PGBD5: variants seen among roughly 807,000 people sequenced by gnomAD.
The protein encoded by PGBD5 is piggyBac transposable element-derived protein 5.
A neutral mutation model predicts 47.9 loss-of-function variants in PGBD5; 14 were observed. The ratio of observed to expected loss-of-function variants is 0.29; its 90% CI spans 0.19 to 0.46. The LOEUF (loss-of-function observed/expected upper bound fraction) is 0.46, where lower values mean the gene tolerates loss of function less well. Among genes scored for constraint, PGBD5 ranks in the 20% least tolerant of loss-of-function variants. The pLI is 1.00. For synonymous variants in PGBD5, 316 were observed against 306.3 expected (o/e 1.03, Z -0.33); for missense variants, 635 against 716.0 (o/e 0.89, Z 1.29).
At chr1:230,367,096 A>G (rs989881461) in intron 1 of PGBD5, among the ~76,000 whole-genome samples, 5 of 151,612 alleles carry the variant, frequency 3.3e-5, no homozygotes, top group Admixed American at 6.6e-5. Flanking sequence ...AATTTCTTCC[A>G]CGACTTCTCA....
Position 230,322,946 on chromosome 1 carries a change from C to A in PGBD5, c.*479G>T, listed in dbSNP as rs16851510. 4,462 of 160,126 alleles carry A rather than the reference C, an allele frequency of 0.028. 235 individuals are homozygous for A. Among genetic ancestry groups the A allele is most frequent in the African/African-American group, 0.1 (4,211 of 41,638 alleles). 9.9% of individuals were successfully genotyped at this position (160,126 alleles called of 1,614,324 possible). ...CTGGCATGAGGCAAATGCTGGAAAA[C>A]CCTCCGGCCTCCCCTGACACCTGAG... On this transcript the variant is annotated 3_prime_UTR_variant, in exon 7 of 7. Coordinates refer to ENST00000391860, the MANE Select transcript of PGBD5 (RefSeq NM_001258311.2). This position sits in a 1 kb window ranked among gnomAD's most constrained non-coding sequence, Gnocchi z 5.9.
chr1:230,353,438 C>A (rs1427036516), intron 2 of PGBD5, among the ~76,000 whole-genome samples: 1 of 152,216 alleles, frequency 6.6e-6, no homozygotes, highest in Admixed American at 6.5e-5. Flanking sequence ...CACACACACA[C>A]ACCCCAGCTG....
At chr1:230,410,506 A>G (rs1657388160) in intron 1 of PGBD5, among the ~76,000 whole-genome samples, 2 of 152,204 alleles carry the variant, frequency 1.3e-5, no homozygotes, top group Non-Finnish European at 2.9e-5. Context: ...TCACAATCCA[A>G]TAAAATGAGG....
In PGBD5 at chr1:230,357,428, C is replaced by G. The variant is rs77462072; in HGVS notation, c.332-107G>C. 6.4e-6 allele frequency: 8 copies of G among 1,247,842 alleles called. No homozygotes were observed. Among genetic ancestry groups the G allele is most frequent in the African/African-American group, 3.0e-5 (2 of 66,610 alleles). The allele number at this position is 1,247,842 out of a possible 1,614,324, so 77.3% of individuals were successfully genotyped here. ...CCCTGGGTCCCTGGCCGAGTGCCCC[C>G]GCTGCCTCCAGTGCTACCGCCTTCC... On this transcript the variant is annotated intron_variant, in intron 1 of 6. Transcript: ENST00000391860. The surrounding 1 kb of genome is among the most constrained non-coding windows in gnomAD (Gnocchi z 5.7).
At chr1:230,361,355 G>T (rs80272310) in intron 1 of PGBD5, among the ~76,000 whole-genome samples, 1 of 152,198 alleles carries the variant, frequency 6.6e-6, no homozygotes, top group African/African-American at 2.4e-5. Flanking sequence ...GGAAGAGGAG[G>T]TGCTGCTTGG....
At chr1:230,381,397 C>T (rs980646802) in intron 1 of PGBD5, among the ~76,000 whole-genome samples, 6 of 152,238 alleles carry the variant, frequency 3.9e-5, no homozygotes, top group Admixed American at 2.0e-4. Context: ...AGCCTCCTTC[C>T]CAGATGGCCT....
chr1:230,377,600 C>T, intron 1 of PGBD5: 1 of 1,569,980 alleles, frequency 6.4e-7, no homozygotes, highest in Non-Finnish European at 8.6e-7. Flanking sequence ...ACGAAGAGAG[C>T]TCGAGTTCTG....
At chr1:230,367,282 C>A (rs958347467) in intron 1 of PGBD5, among the ~76,000 whole-genome samples, 1 of 152,162 alleles carries the variant, frequency 6.6e-6, no homozygotes, top group South Asian at 2.1e-4. Flanking sequence ...ATGCCCCCAA[C>A]GTGCCAAACC....
At chr1:230,350,925 A>C (rs1667550657) in intron 3 of PGBD5, 33 bp downstream of exon 3, 2 of 1,607,966 alleles carry the variant, frequency 1.2e-6, no homozygotes, top group Non-Finnish European at 1.7e-6. Flanking sequence ...GACCCTCTTC[A>C]CCGACCCTCC....
intron 1 of PGBD5, among the ~76,000 whole-genome samples, chr1:230,401,962 C>A (rs932418182): frequency 3.3e-5 from 5 of 152,132 alleles, no homozygotes; most frequent in Non-Finnish European, 5.9e-5. Flanking sequence ...GGAGGGAGGG[C>A]AAGGGCTCCT....
chr1:230,418,046 G>A (rs1654042137), intron 1 of PGBD5, among the ~76,000 whole-genome samples: 1 of 152,200 alleles, frequency 6.6e-6, no homozygotes. Flanking sequence ...CATTCAGTGG[G>A]TAGAGGCCTG....
Position 230,323,442 on chromosome 1 carries a change from C to A in PGBD5, c.1558G>T (p.Ala520Ser). 6.2e-7 allele frequency: 1 copy of A among 1,613,746 alleles called. No homozygotes were observed. Among genetic ancestry groups the A allele is most frequent in the Non-Finnish European group, 8.5e-7 (1 of 1,179,790 alleles). ...CCCCAGCATCAGTGGGTCGGAGAGGCATCCTCCAAGCCCAGCAGCTCTCTG... is the reference window on the plus strand; with the variant it reads ...CCCCAGCATCAGTGGGTCGGAGAGGAATCCTCCAAGCCCAGCAGCTCTCTG... The part of the protein sequence containing the change: ...LVRELLGLED[A>S]SPTH Residue 520 changes from alanine (A) to serine (S), a missense_variant, in exon 7 of 7, where the codon GCC becomes TCC. By Grantham distance (99) the Ala-to-Ser change is moderately conservative. Coordinates refer to ENST00000391860, the MANE Select transcript of PGBD5 (RefSeq NM_001258311.2). This position sits in a 1 kb window ranked among gnomAD's most constrained non-coding sequence, Gnocchi z 4.1.
At chr1:230,412,852 A>G (rs976048364) in intron 1 of PGBD5, among the ~76,000 whole-genome samples, 4 of 152,196 alleles carry the variant, frequency 2.6e-5, no homozygotes, top group East Asian at 1.9e-4. Flanking sequence ...TCAACTGTAT[A>G]TATTTTCGCA....
At chr1:230,389,256 C>G (rs745574945) in intron 1 of PGBD5, among the ~76,000 whole-genome samples, 1 of 151,884 alleles carries the variant, frequency 6.6e-6, no homozygotes, top group Non-Finnish European at 1.5e-5. Context: ...TCATCGCAGC[C>G]TCTGCCTCCG....
chr1:230,360,070 G>A (rs1193683324), intron 1 of PGBD5, among the ~76,000 whole-genome samples: 1 of 152,330 alleles, frequency 6.6e-6, no homozygotes, highest in African/African-American at 2.4e-5. Flanking sequence ...ATTATTCAAG[G>A]ATAGTGCTCA....
At chr1:230,375,141 G>A (rs761364457) in intron 1 of PGBD5, among the ~76,000 whole-genome samples, 3 of 152,188 alleles carry the variant, frequency 2.0e-5, no homozygotes, top group Non-Finnish European at 4.4e-5. Flanking sequence ...GAGATTGAAA[G>A]CAGTACAGAT....
In PGBD5 at chr1:230,319,670, C is replaced by G. The variant is rs541262518; in HGVS notation, c.*3755G>C. ...ACCTGCAATCTTCTTGCTTCTTGCACGCAGCAGAGTTAACTCAATTTTGGT... is the reference window on the plus strand; with the variant it reads ...ACCTGCAATCTTCTTGCTTCTTGCAGGCAGCAGAGTTAACTCAATTTTGGT... On this transcript the variant is annotated 3_prime_UTR_variant, in exon 7 of 7. Coordinates refer to ENST00000391860, the MANE Select transcript of PGBD5 (RefSeq NM_001258311.2). 1 of 152,130 alleles carries G rather than the reference C, an allele frequency of 6.6e-6. No homozygotes were observed. The highest frequency in any genetic ancestry group is 6.5e-5 in the Admixed American group (1 of 15,278). The allele number at this position is 152,130 out of a possible 1,614,324, so 9.4% of individuals were successfully genotyped here. A position where few individuals can be genotyped will look rare whatever the true frequency, so the allele number is the denominator to read the frequency against.
intron 3 of PGBD5, among the ~76,000 whole-genome samples, chr1:230,341,443 A>T (rs1667406557): frequency 6.6e-6 from 1 of 152,218 alleles, no homozygotes; most frequent in Non-Finnish European, 1.5e-5. Flanking sequence ...CTGTTGCTAC[A>T]AATGCTTAAG....
chr1:230,359,344 G>A (rs963445499), intron 1 of PGBD5, among the ~76,000 whole-genome samples: 10 of 152,324 alleles, frequency 6.6e-5, no homozygotes, highest in Admixed American at 4.6e-4. Context: ...GATTACAGGT[G>A]TGAGCCACCG....
Sources: allele counts gnomAD v4.1 joint callset (sites outside exome capture counted in the v4.1 genomes callset), GRCh38; gene constraint gnomAD v4.1.1; non-coding constraint Gnocchi (gnomAD v3.1); transcripts MANE v1.5; gene names NCBI Gene and HGNC (gene_info 2026-07-23, HGNC 2026-07-21).